DCC: variants seen among roughly 807,000 people sequenced by gnomAD.
The protein encoded by DCC is DCC netrin 1 receptor, also known as netrin receptor DCC.
In DCC, 58 loss-of-function variants were observed where a neutral mutation model predicts 172.5. That is an observed-to-expected ratio of 0.34 (90% CI 0.27 to 0.42). The LOEUF (loss-of-function observed/expected upper bound fraction) is 0.42. DCC is among the 10% of genes least tolerant of loss of function. The probability of loss-of-function intolerance (pLI) is 1.00; values close to 1 mark genes in which losing one functional copy is unlikely to be tolerated. For synonymous variants in DCC, 709 were observed against 644.5 expected (o/e 1.10, Z -1.52); for missense variants, 1,740 against 1,791.0 (o/e 0.97, Z 0.51).
Position 52,445,916 on chromosome 18 carries a change from G to T in DCC, c.91+105038G>T, listed in dbSNP as rs180831236. Among the ~76,000 whole-genome samples the T allele has an allele frequency of 6.5e-4, 99 of 152,126 alleles. No homozygotes were observed. The East Asian group carries it at 0.014, about 21-fold the overall frequency. On this transcript the variant is annotated intron_variant, in intron 1 of 28. Coordinates refer to ENST00000442544, the MANE Select transcript of DCC (RefSeq NM_005215.4). ...CATGCAAACTCCTTACCAGTTTTTT[G>T]TTTGTTTGTTTGTTTGTTGTTTGTT...
intron 15 of DCC, among the ~76,000 whole-genome samples, chr18:53,381,535 TTTCA>T (rs1907731023): frequency 6.7e-6 from 1 of 149,204 alleles, no homozygotes; most frequent in African/African-American, 2.5e-5. Context: ...TAAACACCTG[TTTCA>T]TTCTTTTATA....
chr18:52,526,246 T>G (rs940487489), intron 1 of DCC, among the ~76,000 whole-genome samples: 5 of 152,054 alleles, frequency 3.3e-5, no homozygotes, highest in African/African-American at 1.2e-4. Flanking sequence ...GTGTGTCAGA[T>G]AAAAGAAAGC....
intron 15 of DCC, among the ~76,000 whole-genome samples, chr18:53,382,169 TTAGA>T (rs1372048181): frequency 4.0e-5 from 6 of 151,256 alleles, no homozygotes; most frequent in Non-Finnish European, 7.4e-5. Flanking sequence ...TGATAAACAC[TTAGA>T]TAGATGCAAA....
intron 24 of DCC, among the ~76,000 whole-genome samples, chr18:53,466,745 C>G (rs972681377): frequency 6.6e-6 from 1 of 152,206 alleles, no homozygotes; most frequent in Admixed American, 6.5e-5. Flanking sequence ...AGGCTGGTCT[C>G]GAACTCCTGA....
chr18:53,162,350 C>G (rs1478781865), intron 8 of DCC, among the ~76,000 whole-genome samples: 1 of 151,868 alleles, frequency 6.6e-6, no homozygotes, highest in Non-Finnish European at 1.5e-5. Context: ...CTGAGACCTA[C>G]CACTTCTTAC....
chr18:53,311,556 C>A (rs575854091), intron 13 of DCC, among the ~76,000 whole-genome samples: 1 of 152,180 alleles, frequency 6.6e-6, no homozygotes, highest in East Asian at 1.9e-4. Context: ...TTTCACTATG[C>A]GTGTTGTCAT....
intron 1 of DCC, among the ~76,000 whole-genome samples, chr18:52,505,112 C>T (rs969779496): frequency 1.3e-5 from 2 of 152,094 alleles, no homozygotes; most frequent in African/African-American, 4.8e-5. Flanking sequence ...GATCAGAGAA[C>T]GTATCAACTT....
chr18:52,512,093 G>A (rs17755154), intron 1 of DCC, among the ~76,000 whole-genome samples: 3,050 of 152,284 alleles, frequency 0.02, 109 homozygotes, highest in East Asian at 0.096. Context: ...TTACCTGAAA[G>A]AAGCTAATGA....
At chr18:53,029,221 TTAG>T (rs1303905872) in intron 5 of DCC, among the ~76,000 whole-genome samples, 29 of 152,140 alleles carry the variant, frequency 1.9e-4, no homozygotes, top group African/African-American at 7.0e-4. Flanking sequence ...TTAGAAAATA[TTAG>T]TAGTTGGTTG....
chr18:53,156,722 T>C (rs1323933052), intron 7 of DCC, among the ~76,000 whole-genome samples: 2 of 152,164 alleles, frequency 1.3e-5, no homozygotes, highest in African/African-American at 4.8e-5. Context: ...CTTTGACAAA[T>C]AGTCACTGTA....
At chr18:52,794,852 T>C (rs1284238342) in intron 2 of DCC, among the ~76,000 whole-genome samples, 1 of 152,104 alleles carries the variant, frequency 6.6e-6, no homozygotes, top group Admixed American at 6.5e-5. Context: ...GAAGAGGTAT[T>C]GAATTTTATC....
At chr18:52,494,874 T>C (rs1176006812) in intron 1 of DCC, among the ~76,000 whole-genome samples, 4 of 151,976 alleles carry the variant, frequency 2.6e-5, no homozygotes, top group Non-Finnish European at 5.9e-5. Context: ...CACCTAGTAA[T>C]TTTTTTATTG....
intron 12 of DCC, among the ~76,000 whole-genome samples, chr18:53,297,562 A>C (rs1421127460): frequency 1.3e-5 from 2 of 152,218 alleles, no homozygotes; most frequent in East Asian, 3.8e-4. Context: ...TGTGTTAAGT[A>C]CTTTTAATAA....
chr18:53,081,914 A>C (rs563877470), intron 7 of DCC, among the ~76,000 whole-genome samples: 1 of 152,200 alleles, frequency 6.6e-6, no homozygotes, highest in South Asian at 2.1e-4. Flanking sequence ...GGGACAGTTA[A>C]GGGTCAGGGT....
At chr18:52,690,609 C>A (rs7235940) in intron 1 of DCC, among the ~76,000 whole-genome samples, 1 of 152,058 alleles carries the variant, frequency 6.6e-6, no homozygotes, top group Non-Finnish European at 1.5e-5. Flanking sequence ...ACACAAGAAC[C>A]AAAGGAGATT....
At chr18:53,508,599 CT>C (rs546035615) in intron 27 of DCC, among the ~76,000 whole-genome samples, 182 of 152,240 alleles carry the variant, frequency 1.2e-3, no homozygotes, top group African/African-American at 4.2e-3. Flanking sequence ...TGTTTATTTT[CT>C]TTTTGGCTAC....
intron 8 of DCC, among the ~76,000 whole-genome samples, chr18:53,160,235 A>G (rs1327022055): frequency 6.6e-6 from 1 of 152,108 alleles, no homozygotes; most frequent in Non-Finnish European, 1.5e-5. Context: ...AACCTTGACA[A>G]CACCAATCAC....
chr18:53,187,462 T>A (rs1013741936), intron 9 of DCC, among the ~76,000 whole-genome samples: 1 of 152,162 alleles, frequency 6.6e-6, no homozygotes, highest in Non-Finnish European at 1.5e-5. Context: ...TTACAAAGTT[T>A]CATTGTGTAA....
At chr18:52,973,678 G>A (rs1016155505) in intron 5 of DCC, among the ~76,000 whole-genome samples, 1 of 152,134 alleles carries the variant, frequency 6.6e-6, no homozygotes, top group African/African-American at 2.4e-5. Context: ...CTTGCTTCTT[G>A]TGGTGAGAAA....
Sources: allele counts gnomAD v4.1 joint callset (sites outside exome capture counted in the v4.1 genomes callset), GRCh38; gene constraint gnomAD v4.1.1; transcripts MANE v1.5; gene names NCBI Gene and HGNC (gene_info 2026-07-23, HGNC 2026-07-21).